SLC2A9: variants seen among roughly 807,000 people sequenced by gnomAD.
SLC2A9 encodes solute carrier family 2 member 9, also known as solute carrier family 2, facilitated glucose transporter member 9.
In SLC2A9, 39 loss-of-function variants were observed where a neutral mutation model predicts 50.6. The observed-to-expected ratio is 0.77, with a 90% CI of 0.60 to 1.01. SLC2A9 has a LOEUF of 1.01. SLC2A9 is among the 50% of genes least tolerant of loss of function. The probability of loss-of-function intolerance (pLI) is 0.00; values close to 1 mark genes in which losing one functional copy is unlikely to be tolerated. For synonymous variants in SLC2A9, 324 were observed against 276.9 expected, an observed-to-expected ratio of 1.17 and a Z score of -1.69; for missense variants, 686 against 677.6, an observed-to-expected ratio of 1.01 and a Z score of -0.14.
intron 7 of SLC2A9, among the ~76,000 whole-genome samples, chr4:9,914,770 T>A (rs942508752): frequency 1.6e-4 from 25 of 152,138 alleles, no homozygotes; most frequent in Middle Eastern, 3.4e-3. Context: ...TTAGAGCACA[T>A]GTGAGCATGA....
intron 3 of SLC2A9, among the ~76,000 whole-genome samples, chr4:9,814,320 G>C (rs938239112): frequency 1.3e-5 from 2 of 152,140 alleles, no homozygotes; most frequent in Non-Finnish European, 2.9e-5. Flanking sequence ...CCTAGCACAA[G>C]CATAAAGTAA....
At chr4:9,774,416 G>A (rs113763208) in intron 1 of SLC2A9, among the ~76,000 whole-genome samples, 78 of 152,306 alleles carry the variant, frequency 5.1e-4, no homozygotes, top group African/African-American at 1.9e-3. Context: ...CCCTCTGTTA[G>A]GGTCGTGCTT....
chr4:9,832,114 A>G (rs536311410), intron 11 of SLC2A9, among the ~76,000 whole-genome samples: 1 of 152,320 alleles, frequency 6.6e-6, no homozygotes, highest in East Asian at 1.9e-4. Context: ...AGGCCCGAGT[A>G]GATGAACACA....
intron 11 of SLC2A9, among the ~76,000 whole-genome samples, chr4:9,826,871 A>C (rs1365984795): frequency 6.6e-6 from 1 of 152,206 alleles, no homozygotes; most frequent in Non-Finnish European, 1.5e-5. Flanking sequence ...TTAAAAATTA[A>C]TCATCACGAA....
At chr4:9,874,515 A>G (rs900564137) in intron 10 of SLC2A9, among the ~76,000 whole-genome samples, 1 of 152,218 alleles carries the variant, frequency 6.6e-6, no homozygotes, top group African/African-American at 2.4e-5. Flanking sequence ...AGAGGATGAG[A>G]ATCAGGCCTC....
chr4:9,982,171 C>T (rs1262494772), intron 4 of SLC2A9, among the ~76,000 whole-genome samples: 4 of 152,244 alleles, frequency 2.6e-5, no homozygotes, highest in Non-Finnish European at 5.9e-5. Context: ...TGAGCCACTG[C>T]GCCCGGACCG....
At chr4:9,848,532 G>T (rs1374384328) in intron 10 of SLC2A9, among the ~76,000 whole-genome samples, 5 of 151,920 alleles carry the variant, frequency 3.3e-5, no homozygotes, top group African/African-American at 1.2e-4. Flanking sequence ...TCTTTTGCTT[G>T]TTCATTGTGC....
intron 10 of SLC2A9, among the ~76,000 whole-genome samples, chr4:9,842,391 G>C (rs1728221389): frequency 6.6e-6 from 1 of 152,118 alleles, no homozygotes; most frequent in Non-Finnish European, 1.5e-5. Flanking sequence ...AAATTCTGTG[G>C]TTTGCGACCT....
At chr4:10,013,105 A>C (rs1762040719) in intron 2 of SLC2A9, among the ~76,000 whole-genome samples, 1 of 152,206 alleles carries the variant, frequency 6.6e-6, no homozygotes, top group African/African-American at 2.4e-5. Flanking sequence ...AGCACAGCAC[A>C]GATAACCCTG....
intron 10 of SLC2A9, among the ~76,000 whole-genome samples, chr4:9,883,140 C>CAA (rs1411966342): frequency 1.3e-5 from 2 of 151,682 alleles, no homozygotes; most frequent in Non-Finnish European, 2.9e-5. Context: ...TCTACACACA[C>CAA]ACACACACAC....
At chr4:9,772,105 T>G (rs565634876) in intron 1 of SLC2A9, among the ~76,000 whole-genome samples, 1 of 152,154 alleles carries the variant, frequency 6.6e-6, no homozygotes, top group African/African-American at 2.4e-5. Context: ...ACTGTGGTTG[T>G]GTTTTAGGAG....
intron 8 of SLC2A9, among the ~76,000 whole-genome samples, chr4:9,891,366 T>C (rs914337083): frequency 3.9e-5 from 6 of 152,230 alleles, no homozygotes; most frequent in African/African-American, 1.4e-4. Context: ...AGAGTAATTG[T>C]AGCCGAATGT....
intron 11 of SLC2A9, among the ~76,000 whole-genome samples, chr4:9,828,676 C>A (rs1343157983): frequency 6.6e-6 from 1 of 152,240 alleles, no homozygotes; most frequent in Non-Finnish European, 1.5e-5. Context: ...TGCTTTCTTA[C>A]TCCTCTTCAT....
intron 1 of SLC2A9, among the ~76,000 whole-genome samples, chr4:10,020,267 T>C (rs908582491): frequency 1.3e-5 from 2 of 152,078 alleles, no homozygotes; most frequent in African/African-American, 4.8e-5. Flanking sequence ...CTTTGGGGCT[T>C]TGAGCCAAGT....
chr4:9,849,302 G>C (rs1274682740), intron 10 of SLC2A9, among the ~76,000 whole-genome samples: 1 of 152,190 alleles, frequency 6.6e-6, no homozygotes, highest in African/African-American at 2.4e-5. Flanking sequence ...TGGGACACTG[G>C]TTAGGAAACA....
At chr4:9,847,295 G>A (rs1729136750) in intron 10 of SLC2A9, among the ~76,000 whole-genome samples, 1 of 152,182 alleles carries the variant, frequency 6.6e-6, no homozygotes, top group African/African-American at 2.4e-5. Context: ...TACTGTGGTG[G>A]AGCAGGGGAG....
chr4:9,905,035 A>C (rs1740378298), intron 8 of SLC2A9, among the ~76,000 whole-genome samples: 1 of 152,118 alleles, frequency 6.6e-6, no homozygotes, highest in African/African-American at 2.4e-5. Flanking sequence ...CCCTTATTTG[A>C]GAGGGAAGCT....
intron 5 of SLC2A9, among the ~76,000 whole-genome samples, chr4:9,954,847 A>G (rs1750928296): frequency 6.7e-6 from 1 of 149,876 alleles, no homozygotes. Context: ...CTCTAAAATA[A>G]TAGTTGGTCA....
chr4:9,981,597 A>G (rs1253792907), intron 4 of SLC2A9, among the ~76,000 whole-genome samples: 2 of 152,244 alleles, frequency 1.3e-5, no homozygotes, highest in Non-Finnish European at 2.9e-5. Context: ...TTTGCCCAAT[A>G]GAGCCCCAGT....
Sources: allele counts gnomAD v4.1 joint callset (sites outside exome capture counted in the v4.1 genomes callset), GRCh38; gene constraint gnomAD v4.1.1; transcripts MANE v1.5; gene names NCBI Gene and HGNC (gene_info 2026-07-23, HGNC 2026-07-21).